The following CDH18 variants were observed in gnomAD, a reference collection of about 807,000 sequenced individuals.
CDH18 encodes the protein cadherin 18.
A neutral mutation model predicts 67.9 loss-of-function variants in CDH18; 31 were observed. That is an observed-to-expected ratio of 0.46 (90% CI 0.34 to 0.62). CDH18 has a LOEUF of 0.62. Ranked by LOEUF, CDH18 falls within the 20% of genes least tolerant of loss-of-function variation. CDH18 has a pLI of 0.01. For synonymous variants in CDH18, 362 were observed against 347.2 expected (o/e 1.04, Z -0.48); for missense variants, 890 against 975.5 (o/e 0.91, Z 1.17).
chr5:20,541,190 T>C (rs751548409), intron 1 of CDH18, among the ~76,000 whole-genome samples: 21 of 152,180 alleles, frequency 1.4e-4, no homozygotes, highest in Non-Finnish European at 2.2e-4. Flanking sequence ...ATGAAAGTAA[T>C]AAAATTATTG....
At chr5:20,342,960 C>A (rs1740394911) in intron 1 of CDH18, among the ~76,000 whole-genome samples, 1 of 152,106 alleles carries the variant, frequency 6.6e-6, no homozygotes. Flanking sequence ...TTCACCAATG[C>A]CTTGCAGAAT....
chr5:20,086,135 G>C (rs1744930524), intron 2 of CDH18, among the ~76,000 whole-genome samples: 1 of 152,170 alleles, frequency 6.6e-6, no homozygotes, highest in South Asian at 2.1e-4. Flanking sequence ...CCTTATTGCT[G>C]ATATGGTGAA....
At chr5:19,642,184 T>C (rs912872967) in intron 5 of CDH18, among the ~76,000 whole-genome samples, 3 of 151,916 alleles carry the variant, frequency 2.0e-5, no homozygotes, top group African/African-American at 4.8e-5. Context: ...ATTAAATAGA[T>C]AGATAAATGG....
chr5:20,474,203 G>A (rs1051203497), intron 1 of CDH18, among the ~76,000 whole-genome samples: 3 of 152,076 alleles, frequency 2.0e-5, no homozygotes, highest in African/African-American at 7.2e-5. Context: ...GTGAACCCAG[G>A]AGGCGGAGCT....
intron 1 of CDH18, among the ~76,000 whole-genome samples, chr5:20,507,258 C>G (rs906630): frequency 0.47 from 72,096 of 152,044 alleles, 17,331 homozygotes; most frequent in East Asian, 0.56. Flanking sequence ...TTTGTTTCAA[C>G]CTCTACGTTT....
chr5:20,123,434 G>T (rs1748541312), intron 2 of CDH18, among the ~76,000 whole-genome samples: 2 of 152,160 alleles, frequency 1.3e-5, no homozygotes, highest in Admixed American at 1.3e-4. Context: ...CAAATGTATA[G>T]TCTGAGACCT....
chr5:19,751,077 A>G (rs1770780532), intron 3 of CDH18, among the ~76,000 whole-genome samples: 3 of 152,134 alleles, frequency 2.0e-5, no homozygotes, highest in Admixed American at 1.3e-4. Flanking sequence ...TTACTTTAAT[A>G]AATTGTCACT....
chr5:20,344,622 A>G (rs895183550), intron 1 of CDH18, among the ~76,000 whole-genome samples: 1 of 152,032 alleles, frequency 6.6e-6, no homozygotes, highest in Non-Finnish European at 1.5e-5. Flanking sequence ...TAGAGACTAC[A>G]GTTCTCGGGA....
intron 1 of CDH18, among the ~76,000 whole-genome samples, chr5:20,264,033 A>ATT (rs779489799): frequency 4.6e-5 from 7 of 152,120 alleles, no homozygotes; most frequent in Non-Finnish European, 8.8e-5. Flanking sequence ...CTAAATATTT[A>ATT]TTTTGTAAAA....
At chr5:19,499,318 A>G (rs1742848433) in intron 11 of CDH18, among the ~76,000 whole-genome samples, 1 of 152,118 alleles carries the variant, frequency 6.6e-6, no homozygotes, top group African/African-American at 2.4e-5. Context: ...TTCTTTCCCA[A>G]CTATAGATTT....
chr5:19,550,248 G>A (rs1737164614), intron 8 of CDH18, among the ~76,000 whole-genome samples: 1 of 152,034 alleles, frequency 6.6e-6, no homozygotes, highest in Admixed American at 6.6e-5. Flanking sequence ...TTAGACTTTA[G>A]TAGTAAACTC....
upstream of CDH18, among the ~76,000 whole-genome samples, chr5:19,992,877 G>T (rs539898146): frequency 3.1e-4 from 47 of 152,178 alleles, no homozygotes; most frequent in Admixed American, 2.4e-3. Flanking sequence ...TGAGTGTTGG[G>T]TGTTTAAGTA....
chr5:20,096,056 AAG>A (rs1468909609), intron 2 of CDH18, among the ~76,000 whole-genome samples: 1 of 152,068 alleles, frequency 6.6e-6, no homozygotes, highest in Non-Finnish European at 1.5e-5. Flanking sequence ...CAAAGAAGCA[AAG>A]AGAGAGATGG....
intron 2 of CDH18, among the ~76,000 whole-genome samples, chr5:20,195,321 A>G (rs1738888820): frequency 6.6e-6 from 1 of 151,980 alleles, no homozygotes; most frequent in Non-Finnish European, 1.5e-5. Context: ...TATTATCCAT[A>G]TTTATTTGCA....
intron 4 of CDH18, among the ~76,000 whole-genome samples, chr5:19,726,121 A>G (rs979568417): frequency 6.6e-6 from 1 of 152,202 alleles, no homozygotes; most frequent in Admixed American, 6.5e-5. Flanking sequence ...GGTGTCTATA[A>G]AAGTCCAGCC....
chr5:19,508,573 G>GA (rs33930834), intron 10 of CDH18, among the ~76,000 whole-genome samples: 31 of 151,430 alleles, frequency 2.0e-4, no homozygotes, highest in Admixed American at 4.6e-4. Flanking sequence ...AGCAAAGGGT[G>GA]AAAAAAAATA....
intron 1 of CDH18, among the ~76,000 whole-genome samples, chr5:20,268,357 A>G (rs1410000370): frequency 6.6e-6 from 1 of 152,134 alleles, no homozygotes; most frequent in African/African-American, 2.4e-5. Flanking sequence ...GGGATAATTT[A>G]TGCTTATTTT....
intron 2 of CDH18, among the ~76,000 whole-genome samples, chr5:20,018,311 G>C (rs1308315094): frequency 6.6e-6 from 1 of 152,114 alleles, no homozygotes; most frequent in African/African-American, 2.4e-5. Flanking sequence ...GGAATGTCTA[G>C]AGATACAAAT....
intron 2 of CDH18, among the ~76,000 whole-genome samples, chr5:20,164,272 TTTTG>T (rs756494312): frequency 3.3e-5 from 5 of 152,050 alleles, no homozygotes; most frequent in African/African-American, 7.2e-5. Flanking sequence ...TCATCCAGTA[TTTTG>T]TTTGTTTGTT....
Sources: gnomAD v4.1 joint callset for allele counts (sites outside exome capture counted in the v4.1 genomes callset) on GRCh38, gnomAD v4.1.1 for gene constraint, MANE v1.5 for transcripts, NCBI Gene and HGNC (gene_info 2026-07-23, HGNC 2026-07-21) for gene names.